ALMS1: variants seen among roughly 807,000 people sequenced by gnomAD.
The protein encoded by ALMS1 is ALMS1 centrosome and basal body associated protein.
In ALMS1, 271 loss-of-function variants were observed where a neutral mutation model predicts 352.2. That is an observed-to-expected ratio of 0.77 (90% confidence interval 0.70 to 0.85). The LOEUF is 0.85. ALMS1 is among the 40% of genes least tolerant of loss of function. ALMS1 has a pLI of 0.00. For synonymous variants in ALMS1, 1,865 were observed against 1,761.2 expected (o/e 1.06, Z -1.48); for missense variants, 5,445 against 4,870.7 (o/e 1.12, Z -3.51).
chr2:73,544,709 T>C (rs1332135683), intron 12 of ALMS1, among the ~76,000 whole-genome samples: 1 of 152,102 alleles, frequency 6.6e-6, no homozygotes, highest in Non-Finnish European at 1.5e-5. Context: ...TTTAAATATA[T>C]ACCCCAACAA....
intron 16 of ALMS1, among the ~76,000 whole-genome samples, chr2:73,592,890 A>ATAAGACAGCAAC (rs1675461506): frequency 6.6e-6 from 1 of 152,228 alleles, no homozygotes; most frequent in Non-Finnish European, 1.5e-5. Context: ...TTACTCTTGT[A>ATAAGACAGCAAC]TAAGACAGCA....
At position 73,519,959 on chromosome 2, in the gene ALMS1, G is replaced by T. The variant is rs1318153017; in HGVS notation, c.9724G>T (p.Val3242Phe). Reference sequence around the variant, plus strand: ...TAACCAGAAGCTACGCAAAGCTCCTGTCAAGTTTGCCTCATCATCTTCAGT... The same window carrying T: ...TAACCAGAAGCTACGCAAAGCTCCTTTCAAGTTTGCCTCATCATCTTCAGT... ...PGNQKLRKAP[V>F]KFASSSSVQQ... Residue 3242 changes from valine (V) to phenylalanine (F), a missense_variant, in exon 11 of 23, where the codon GTC becomes TTC. By Grantham distance (50) the Val-to-Phe change is conservative. Transcript: ENST00000613296. 6.2e-7 allele frequency: 1 copy of T among 1,613,960 alleles called. No homozygotes were observed. The highest frequency in any genetic ancestry group is 2.2e-5 in the East Asian group (1 of 44,882).
intron 9 of ALMS1, among the ~76,000 whole-genome samples, chr2:73,485,254 G>A (rs1264739095): frequency 1.3e-5 from 2 of 152,118 alleles, no homozygotes; most frequent in Non-Finnish European, 2.9e-5. Context: ...TGGGTTTTTG[G>A]TGTGGATGTC....
chr2:73,490,176 T>C lies in ALMS1; in HGVS notation c.8217T>C (p.Gly2739=). 1 of 1,614,182 alleles carries C rather than the reference T, an allele frequency of 6.2e-7. No individual in the cohort carries two copies. The highest frequency in any genetic ancestry group is 2.2e-5 in the East Asian group (1 of 44,882). The change falls in exon 10 of 23, where the codon GGT becomes GGC. Residue 2739 remains glycine, a synonymous_variant. Coordinates refer to ENST00000613296, the MANE Select transcript of ALMS1 (RefSeq NM_001378454.1). ...SSVVKVGVTE[G]SQCTGASVGV... ...TTGTTAAGGTTGGTGTTACTGAAGG[T>C]AGCCAGTGTACTGGAGCATCTGTGG... is the stretch of plus-strand genomic sequence containing the variant.
chr2:73,523,805 G>T (rs923673775), intron 11 of ALMS1, among the ~76,000 whole-genome samples: 2 of 151,892 alleles, frequency 1.3e-5, no homozygotes, highest in African/African-American at 4.8e-5. Context: ...ATTGTTTCCA[G>T]AGGAGAGCTC....
At chr2:73,441,004 A>C (rs1671708792) in intron 7 of ALMS1, among the ~76,000 whole-genome samples, 1 of 152,104 alleles carries the variant, frequency 6.6e-6, no homozygotes, top group South Asian at 2.1e-4. Flanking sequence ...GGTGATGCTT[A>C]TGTGGGTGGA....
At position 73,491,476 on chromosome 2, in the gene ALMS1, G is replaced by A. The variant is rs1402796587; in HGVS notation, c.9517G>A (p.Gly3173Arg). 10 of 1,614,002 alleles carry A rather than the reference G, an allele frequency of 6.2e-6. No homozygotes were observed. The highest frequency in any genetic ancestry group is 1.3e-5 in the African/African-American group (1 of 75,034). ...TTTCGAAGGACATTCCAATCCAGAGGGGACCCCAGTATTTGCAGATCGGTG... is the reference window on the plus strand; with the variant it reads ...TTTCGAAGGACATTCCAATCCAGAGAGGACCCCAGTATTTGCAGATCGGTG... The part of the protein sequence containing the change: ...SDFEGHSNPE[G>R]TPVFADRLPE... The change falls in exon 10 of 23, where the codon GGG becomes AGG. Residue 3173 changes from glycine to arginine, a missense_variant. Transcript: ENST00000613296.
chr2:73,600,985 AC>A (rs1675671938), intron 18 of ALMS1, 104 bp downstream of exon 18: 18 of 1,411,790 alleles, frequency 1.3e-5, no homozygotes, highest in Non-Finnish European at 1.4e-5. Context: ...GTCCCCACCT[AC>A]CCCCAGCCAC....
intron 1 of ALMS1, among the ~76,000 whole-genome samples, chr2:73,399,416 G>A (rs548883883): frequency 2.0e-5 from 3 of 152,178 alleles, no homozygotes; most frequent in African/African-American, 7.2e-5. Flanking sequence ...GCCAGCATCT[G>A]CTTCTGGTGA....
At chr2:73,404,136 T>C (rs1670926899) in intron 1 of ALMS1, among the ~76,000 whole-genome samples, 1 of 152,230 alleles carries the variant, frequency 6.6e-6, no homozygotes, top group Non-Finnish European at 1.5e-5. Context: ...TGACCTCAAG[T>C]GATCCACCCG....
intron 13 of ALMS1, among the ~76,000 whole-genome samples, chr2:73,554,847 C>A (rs1674511127): frequency 6.6e-6 from 1 of 152,078 alleles, no homozygotes; most frequent in Non-Finnish European, 1.5e-5. Context: ...CACGTTTTCC[C>A]CCATATTTTC....
chr2:73,482,675 C>T (rs1672737068), intron 9 of ALMS1, among the ~76,000 whole-genome samples: 1 of 152,184 alleles, frequency 6.6e-6, no homozygotes, highest in Non-Finnish European at 1.5e-5. Context: ...TCTTGTACCT[C>T]TGGTAGAATT....
chr2:73,475,400 C>G (rs1558660835), intron 9 of ALMS1, among the ~76,000 whole-genome samples: 1 of 152,006 alleles, frequency 6.6e-6, no homozygotes, highest in Non-Finnish European at 1.5e-5. Context: ...TTGTCATTTT[C>G]TGTCTTTTTG....
At chr2:73,502,940 G>T (rs1673246623) in intron 10 of ALMS1, among the ~76,000 whole-genome samples, 1 of 152,122 alleles carries the variant, frequency 6.6e-6, no homozygotes, top group African/African-American at 2.4e-5. Flanking sequence ...TTGTTGACCT[G>T]CTGCACAATC....
chr2:73,562,572 A>G (rs1331489844), intron 15 of ALMS1, among the ~76,000 whole-genome samples: 1 of 152,160 alleles, frequency 6.6e-6, no homozygotes, highest in East Asian at 1.9e-4. Context: ...ATCAAAAAAT[A>G]CATGTGTAAG....
At chr2:73,538,742 G>T (rs569793505) in intron 12 of ALMS1, among the ~76,000 whole-genome samples, 1 of 152,178 alleles carries the variant, frequency 6.6e-6, no homozygotes, top group Non-Finnish European at 1.5e-5. Flanking sequence ...ATTATATCCC[G>T]CACCTGGCTC....
chr2:73,598,865 T>C (rs1027474177), intron 16 of ALMS1, among the ~76,000 whole-genome samples: 1 of 152,240 alleles, frequency 6.6e-6, no homozygotes, highest in Non-Finnish European at 1.5e-5. Flanking sequence ...TTCATTGCTC[T>C]ACTTGCTCTG....
chr2:73,417,359 T>G (rs943270229), intron 2 of ALMS1, among the ~76,000 whole-genome samples: 12 of 152,192 alleles, frequency 7.9e-5, no homozygotes, highest in African/African-American at 2.9e-4. Context: ...ACTAATAGAT[T>G]TGCTGATAAA....
intron 3 of ALMS1, 87 bp from the exon 4 acceptor site, chr2:73,422,770 C>T: frequency 9.8e-7 from 1 of 1,023,702 alleles, no homozygotes; most frequent in African/African-American, 1.6e-5. Context: ...CATATGGCAG[C>T]ATATGTAGGT....
Sources: gnomAD v4.1 joint callset for allele counts (sites outside exome capture counted in the v4.1 genomes callset) on GRCh38, gnomAD v4.1.1 for gene constraint, MANE v1.5 for transcripts, NCBI Gene and HGNC (gene_info 2026-07-23, HGNC 2026-07-21) for gene names.